The following EYS variants were observed in gnomAD, a reference collection of about 807,000 sequenced individuals.
EYS encodes the protein EGF-like photoreceptor maintenance factor, also known as protein eyes shut homolog.
Under a neutral mutation model 282.1 loss-of-function variants are expected in EYS, and 250 were observed. That is an observed-to-expected ratio of 0.89 (90% CI 0.80 to 0.98). The LOEUF (loss-of-function observed/expected upper bound fraction) is 0.98, where lower values mean the gene tolerates loss of function less well. Ranked by LOEUF, EYS falls within the 50% of genes least tolerant of loss-of-function variation. The probability of loss-of-function intolerance (pLI) is 0.00; values close to 1 mark genes in which losing one functional copy is unlikely to be tolerated. For missense variants in EYS, 4,016 were observed against 3,709.0 expected (o/e 1.08, Z -2.15); for synonymous variants, 1,355 against 1,282.9 (o/e 1.06, Z -1.20).
intron 16 of EYS, among the ~76,000 whole-genome samples, chr6:64,906,580 A>G (rs1226111571): frequency 6.6e-6 from 1 of 152,240 alleles, no homozygotes; most frequent in Non-Finnish European, 1.5e-5. Context: ...TTTAAATGCA[A>G]CTACTTGTCT....
intron 18 of EYS, among the ~76,000 whole-genome samples, chr6:64,890,049 C>A (rs926117220): frequency 3.4e-5 from 5 of 148,338 alleles, no homozygotes; most frequent in East Asian, 2.0e-4. Flanking sequence ...ATAAATGCCC[C>A]CCCCCCCCAA....
chr6:64,262,224 T>A (rs1477605973), intron 30 of EYS, among the ~76,000 whole-genome samples: 1 of 152,090 alleles, frequency 6.6e-6, no homozygotes, highest in East Asian at 1.9e-4. Flanking sequence ...TAGTGCTTTC[T>A]ACCACCCTAT....
chr6:65,569,418 AAC>A (rs1454143231), intron 2 of EYS, among the ~76,000 whole-genome samples: 3 of 152,124 alleles, frequency 2.0e-5, no homozygotes, highest in African/African-American at 7.2e-5. Flanking sequence ...CAGTGAAAAT[AAC>A]AGTTTTTCGA....
intron 12 of EYS, among the ~76,000 whole-genome samples, chr6:65,181,093 C>T (rs1765369769): frequency 6.6e-6 from 1 of 152,050 alleles, no homozygotes; most frequent in Admixed American, 6.5e-5. Flanking sequence ...AGACCTGAAA[C>T]CATAAAAACC....
chr6:65,350,614 A>T (rs1770562386), intron 9 of EYS, among the ~76,000 whole-genome samples: 1 of 151,706 alleles, frequency 6.6e-6, no homozygotes, highest in African/African-American at 2.4e-5. Flanking sequence ...CTAGGATTTT[A>T]TCTTTTCTTA....
At chr6:63,799,795 G>A (rs964993086) in intron 37 of EYS, among the ~76,000 whole-genome samples, 1 of 152,188 alleles carries the variant, frequency 6.6e-6, no homozygotes, top group African/African-American at 2.4e-5. Flanking sequence ...GTGCTATGTA[G>A]GCTTTGTGTA....
At chr6:64,462,478 G>C (rs1172071470) in intron 26 of EYS, among the ~76,000 whole-genome samples, 1 of 151,936 alleles carries the variant, frequency 6.6e-6, no homozygotes, top group Non-Finnish European at 1.5e-5. Context: ...GCACATAGAT[G>C]GTTTGGTGAA....
chr6:64,216,663 A>G (rs113108308), intron 31 of EYS, among the ~76,000 whole-genome samples: 4,129 of 152,258 alleles, frequency 0.027, 58 homozygotes, highest in African/African-American at 0.043. Context: ...TCTGCAAACA[A>G]TGGGTAGCAA....
chr6:64,617,814 T>C (rs1767323522), intron 23 of EYS, among the ~76,000 whole-genome samples: 1 of 152,174 alleles, frequency 6.6e-6, no homozygotes, highest in African/African-American at 2.4e-5. Flanking sequence ...ATGTCTCAGC[T>C]CTTATCCGTG....
chr6:64,470,260 G>C (rs568534610), intron 26 of EYS, among the ~76,000 whole-genome samples: 1 of 152,104 alleles, frequency 6.6e-6, no homozygotes, highest in South Asian at 2.1e-4. Flanking sequence ...GACCCTGTGG[G>C]GCTGGACCCT....
rs79012276 is a variant in EYS, at chr6:64,061,537, T to A, written c.6725+4801A>T. ...GACCTCAGTCACTACAAGTGGCTTA[T>A]TCAAGTTTGTTCTACTTCTCCCTTC... On this transcript the variant is annotated intron_variant, in intron 33 of 42. Transcript: ENST00000503581. Among the ~76,000 whole-genome samples the A allele has an allele frequency of 6.4e-3, 978 of 152,318 alleles. 7 individuals carry two copies. Among genetic ancestry groups the A allele is most frequent in the Non-Finnish European group, 0.012 (800 of 68,022 alleles).
intron 12 of EYS, among the ~76,000 whole-genome samples, chr6:65,203,774 T>A (rs868421499): frequency 6.6e-6 from 1 of 151,886 alleles, no homozygotes. Flanking sequence ...ATTTAAGATA[T>A]GCATTGTAAG....
chr6:65,607,855 A>G (rs1032218583), intron 2 of EYS, among the ~76,000 whole-genome samples: 1 of 152,038 alleles, frequency 6.6e-6, no homozygotes, highest in Non-Finnish European at 1.5e-5. Context: ...AGAAAATTAC[A>G]TTTCATCTTA....
chr6:64,456,728 G>A (rs1775569410), intron 26 of EYS, among the ~76,000 whole-genome samples: 2 of 151,918 alleles, frequency 1.3e-5, no homozygotes, highest in South Asian at 4.1e-4. Flanking sequence ...AAAGTCTGAA[G>A]CACATGGCAT....
At chr6:63,740,998 C>A (rs1769061430) in intron 41 of EYS, among the ~76,000 whole-genome samples, 1 of 152,204 alleles carries the variant, frequency 6.6e-6, no homozygotes. Context: ...AGTGAATCAT[C>A]TTTGGGAGAC....
At chr6:65,501,250 A>G (rs1375052511) in intron 2 of EYS, among the ~76,000 whole-genome samples, 2 of 151,674 alleles carry the variant, frequency 1.3e-5, no homozygotes, top group African/African-American at 4.8e-5. Flanking sequence ...TGTGTGGGAG[A>G]AGGGAGGTGT....
intron 26 of EYS, among the ~76,000 whole-genome samples, chr6:64,538,190 G>C (rs910905235): frequency 6.6e-6 from 1 of 152,146 alleles, no homozygotes; most frequent in Admixed American, 6.5e-5. Context: ...AGGGAACCAA[G>C]GTTTTATTTA....
chr6:65,296,897 C>T (rs13210463), intron 11 of EYS, among the ~76,000 whole-genome samples: 6 of 151,356 alleles, frequency 4.0e-5, no homozygotes, highest in African/African-American at 1.2e-4. Context: ...ATGTTGAGAA[C>T]TATGTTGGCT....
At chr6:65,245,357 T>G (rs1562046927) in intron 12 of EYS, among the ~76,000 whole-genome samples, 1 of 152,220 alleles carries the variant, frequency 6.6e-6, no homozygotes, top group Non-Finnish European at 1.5e-5. Context: ...AATCAGTTTT[T>G]ATTTATCTAT....
Sources: allele counts gnomAD v4.1 joint callset (sites outside exome capture counted in the v4.1 genomes callset), GRCh38; gene constraint gnomAD v4.1.1; transcripts MANE v1.5; gene names NCBI Gene and HGNC (gene_info 2026-07-23, HGNC 2026-07-21).